The following KCNIP4 variants were observed in gnomAD, a reference collection of about 807,000 sequenced individuals.
The protein encoded by KCNIP4 is potassium voltage-gated channel interacting protein 4.
A neutral mutation model predicts 34.0 loss-of-function variants in KCNIP4; 12 were observed. The observed-to-expected ratio is 0.35, with a 90% CI of 0.23 to 0.57. The LOEUF is 0.57. KCNIP4 is among the 20% of genes least tolerant of loss of function. The pLI is 0.83. For synonymous variants in KCNIP4, 124 were observed against 102.2 expected, an observed-to-expected ratio of 1.21 and a Z score of -1.29; for missense variants, 238 against 311.7, an observed-to-expected ratio of 0.76 and a Z score of 1.78.
At chr4:21,693,091 G>T in intron 1 of KCNIP4, among the ~76,000 whole-genome samples, 1 of 147,990 alleles carries the variant, frequency 6.8e-6, no homozygotes, top group African/African-American at 2.5e-5. Context: ...CTCCGATTTT[G>T]CTTAGGATCA....
intron 1 of KCNIP4, among the ~76,000 whole-genome samples, chr4:21,107,841 T>C (rs1748726875): frequency 1.3e-5 from 2 of 151,374 alleles, no homozygotes; most frequent in African/African-American, 4.9e-5. Flanking sequence ...AAGTATTTTA[T>C]TTCTCCTTCA....
intron 1 of KCNIP4, among the ~76,000 whole-genome samples, chr4:21,904,081 G>T (rs1727858591): frequency 6.6e-6 from 1 of 152,096 alleles, no homozygotes. Flanking sequence ...ACTGGAAACA[G>T]AAAGGGCCAT....
intron 3 of KCNIP4, among the ~76,000 whole-genome samples, chr4:20,787,700 A>T (rs1712193907): frequency 6.6e-6 from 1 of 152,096 alleles, no homozygotes; most frequent in Admixed American, 6.6e-5. Flanking sequence ...TTGATTTTTG[A>T]ACATTTAGGT....
chr4:21,614,780 G>C (rs892879950), intron 1 of KCNIP4, among the ~76,000 whole-genome samples: 5 of 151,886 alleles, frequency 3.3e-5, no homozygotes, highest in African/African-American at 1.2e-4. Context: ...CATCAAAAAA[G>C]CTGACAAGTC....
At chr4:21,731,014 T>C (rs999922311) in intron 1 of KCNIP4, among the ~76,000 whole-genome samples, 1 of 151,258 alleles carries the variant, frequency 6.6e-6, no homozygotes. Context: ...CTTGGGAGGC[T>C]AAGGTTGGAG....
intron 1 of KCNIP4, among the ~76,000 whole-genome samples, chr4:21,891,794 A>T (rs562810344): frequency 3.3e-5 from 5 of 152,240 alleles, no homozygotes; most frequent in African/African-American, 1.2e-4. Flanking sequence ...AAATTCTACA[A>T]TCAGAAAGTT....
chr4:21,646,268 C>T (rs1226756149), intron 1 of KCNIP4, among the ~76,000 whole-genome samples: 1 of 152,130 alleles, frequency 6.6e-6, no homozygotes, highest in Admixed American at 6.6e-5. Flanking sequence ...GGTTGAGTTG[C>T]CAATGTAGTT....
intron 3 of KCNIP4, among the ~76,000 whole-genome samples, chr4:20,819,192 T>G (rs1716797750): frequency 6.6e-6 from 1 of 152,138 alleles, no homozygotes; most frequent in Admixed American, 6.6e-5. Context: ...CACAAAGAAC[T>G]TATGATATAC....
At chr4:21,537,490 G>A (rs1371817335) in intron 1 of KCNIP4, among the ~76,000 whole-genome samples, 4 of 152,004 alleles carry the variant, frequency 2.6e-5, no homozygotes, top group Admixed American at 2.0e-4. Context: ...GTATAATGTA[G>A]CCCTTGGCAC....
chr4:21,666,497 C>A (rs2108999482), intron 1 of KCNIP4, among the ~76,000 whole-genome samples: 1 of 152,272 alleles, frequency 6.6e-6, no homozygotes, highest in African/African-American at 2.4e-5. Context: ...TGTGTCAGCA[C>A]ACGTATTTAT....
intron 1 of KCNIP4, among the ~76,000 whole-genome samples, chr4:21,196,233 G>T (rs1216188293): frequency 2.0e-5 from 3 of 152,116 alleles, no homozygotes; most frequent in Non-Finnish European, 4.4e-5. Context: ...GGCAATAATG[G>T]CATGTTTCAT....
intron 1 of KCNIP4, among the ~76,000 whole-genome samples, chr4:21,932,422 A>G (rs1729622355): frequency 6.6e-6 from 1 of 152,144 alleles, no homozygotes; most frequent in Admixed American, 6.5e-5. Flanking sequence ...ATCATTACCT[A>G]TGTGATACTT....
intron 1 of KCNIP4, among the ~76,000 whole-genome samples, chr4:21,686,646 T>C (rs1363691763): frequency 6.6e-6 from 1 of 152,126 alleles, no homozygotes; most frequent in African/African-American, 2.4e-5. Flanking sequence ...TGTGTACAGT[T>C]AGAGAGAATT....
rs538133823 is a variant in KCNIP4 at position 21,274,052 on chromosome 4, G to A, written c.62-391343C>T. 5.9e-5 allele frequency among the ~76,000 whole-genome samples: 9 copies of A among 152,234 alleles called. No homozygotes were observed. The South Asian group carries it at 1.9e-3, about 32-fold the overall frequency. On this transcript the variant is annotated intron_variant, in intron 1 of 8. Transcript: ENST00000382152. ...GATTAGACTAAGGGTCTGCTTGCAG[G>A]TCTCATATGACCTTGGAAAAAATCA... is the stretch of plus-strand genomic sequence containing the variant.
intron 1 of KCNIP4, among the ~76,000 whole-genome samples, chr4:21,125,044 GC>G (rs1340259596): frequency 6.6e-6 from 1 of 150,808 alleles, no homozygotes; most frequent in Non-Finnish European, 1.5e-5. Flanking sequence ...TGATGCCTCT[GC>G]CCCTACCTTT....
intron 1 of KCNIP4, among the ~76,000 whole-genome samples, chr4:21,144,118 A>G (rs1752180539): frequency 6.6e-6 from 1 of 152,178 alleles, no homozygotes; most frequent in Non-Finnish European, 1.5e-5. Context: ...GTCTATAGAT[A>G]CACACATGAA....
intron 1 of KCNIP4, among the ~76,000 whole-genome samples, chr4:20,980,883 G>A (rs1018859068): frequency 1.3e-5 from 2 of 151,776 alleles, no homozygotes; most frequent in East Asian, 3.9e-4. Context: ...TCTTAGTGAA[G>A]AGTTTAGCAA....
At chr4:21,366,964 C>T (rs749573530) in intron 1 of KCNIP4, among the ~76,000 whole-genome samples, 56 of 152,256 alleles carry the variant, frequency 3.7e-4, no homozygotes, top group Non-Finnish European at 4.7e-4. Context: ...AGGTGATTAA[C>T]TCATGAGGAC....
chr4:21,394,864 T>A (rs1722853741), intron 1 of KCNIP4, among the ~76,000 whole-genome samples: 2 of 152,212 alleles, frequency 1.3e-5, no homozygotes, highest in Non-Finnish European at 2.9e-5. Context: ...CCTTTAATGA[T>A]GTTGAATAAA....
Sources: gnomAD v4.1 joint callset for allele counts (sites outside exome capture counted in the v4.1 genomes callset) on GRCh38, gnomAD v4.1.1 for gene constraint, MANE v1.5 for transcripts, NCBI Gene and HGNC (gene_info 2026-07-23, HGNC 2026-07-21) for gene names.